Variants in LAD1 observed in about 807,000 individuals in gnomAD.
LAD1 encodes the protein ladinin 1.
In LAD1, 53 loss-of-function variants were observed where a neutral mutation model predicts 54.2. The observed-to-expected ratio is 0.98, with a 90% CI of 0.78 to 1.23. The LOEUF (loss-of-function observed/expected upper bound fraction) is 1.23. Ranked by LOEUF, LAD1 falls within the 50% of genes most tolerant of loss-of-function variation. LAD1 has a pLI of 0.00. For synonymous variants in LAD1, 231 were observed against 257.7 expected, an observed-to-expected ratio of 0.90 and a Z score of 0.99; for missense variants, 637 against 653.3, an observed-to-expected ratio of 0.98 and a Z score of 0.27.
intron 2 of LAD1, among the ~76,000 whole-genome samples, chr1:201,387,721 C>T (rs1662123284): frequency 6.6e-6 from 1 of 152,142 alleles, no homozygotes; most frequent in Non-Finnish European, 1.5e-5. Flanking sequence ...GAGTCTGCTG[C>T]CGGGCAAGGC....
chr1:201,383,430 C>G (rs771671496), intron 5 of LAD1, 41 bp from the exon 6 acceptor site: 3 of 1,588,268 alleles, frequency 1.9e-6, no homozygotes. Flanking sequence ...AAGTGAGACA[C>G]CCAGGGAGAC....
intron 1 of LAD1, among the ~76,000 whole-genome samples, chr1:201,392,724 G>A (rs1662217631): frequency 6.6e-6 from 1 of 152,152 alleles, no homozygotes; most frequent in Non-Finnish European, 1.5e-5. Context: ...GAGAGCCCTG[G>A]AGAGTGTTAC....
intron 1 of LAD1, among the ~76,000 whole-genome samples, chr1:201,397,638 GGA>G (rs558842098): frequency 1.4e-4 from 22 of 151,902 alleles, no homozygotes; most frequent in African/African-American, 1.9e-4. Flanking sequence ...TTCTGAAGAA[GGA>G]GTGTCTGGTT....
At chr1:201,398,118 C>A (rs950786004) in intron 1 of LAD1, among the ~76,000 whole-genome samples, 1 of 152,084 alleles carries the variant, frequency 6.6e-6, no homozygotes, top group Non-Finnish European at 1.5e-5. Context: ...CAGTCCCAGG[C>A]GATGAGCTGC....
intron 1 of LAD1, among the ~76,000 whole-genome samples, chr1:201,396,371 G>T (rs757603007): frequency 6.6e-6 from 1 of 152,062 alleles, no homozygotes; most frequent in African/African-American, 2.4e-5. Context: ...TAATTCTAAA[G>T]GACATTCTGC....
At chr1:201,382,350 G>A in intron 8 of LAD1, 24 bp from the exon 9 acceptor site, 1 of 1,581,858 alleles carries the variant, frequency 6.3e-7, no homozygotes, top group South Asian at 1.1e-5. Context: ...TCAGGGTGGA[G>A]ACCAGAGACT....
intron 1 of LAD1, among the ~76,000 whole-genome samples, chr1:201,390,923 A>G (rs1024807150): frequency 2.0e-5 from 3 of 152,194 alleles, no homozygotes; most frequent in Non-Finnish European, 4.4e-5. Flanking sequence ...TGCCTGAAGG[A>G]AACAGATGAA....
chr1:201,388,373 G>T (rs1041239536), intron 2 of LAD1, among the ~76,000 whole-genome samples: 30 of 143,052 alleles, frequency 2.1e-4, no homozygotes, highest in Non-Finnish European at 3.0e-5. Flanking sequence ...GGGTGACAGA[G>T]CAAGACTCCA....
intron 5 of LAD1, among the ~76,000 whole-genome samples, chr1:201,383,861 T>C (rs1435226606): frequency 6.6e-6 from 1 of 152,238 alleles, no homozygotes; most frequent in Non-Finnish European, 1.5e-5. Context: ...AGTATGCCTG[T>C]GTGCCAGCCA....
Position 201,381,022 on chromosome 1 carries a change from G to A in LAD1, c.*866C>T, listed in dbSNP as rs1305489190. 1.3e-5 allele frequency: 2 copies of A among 152,030 alleles called. No homozygotes were observed. The highest frequency in any genetic ancestry group is 2.9e-5 in the Non-Finnish European group (2 of 68,066). The allele number at this position is 152,030 out of a possible 1,614,324, so 9.4% of individuals were successfully genotyped here. A position where few individuals can be genotyped will look rare whatever the true frequency, so the allele number is the denominator to read the frequency against. On this transcript the variant is annotated 3_prime_UTR_variant, in exon 10 of 10. Coordinates refer to ENST00000391967, the MANE Select transcript of LAD1 (RefSeq NM_005558.4). ...GTTGGAGGGGGCTTGTGGGGAAGGA[G>A]GGTAGGCCTGGCCCTGTATGTGGCA...
chr1:201,382,647 G>A lies in LAD1; in HGVS notation c.1473+6C>T. 1.3e-6 allele frequency: 2 copies of A among 1,590,806 alleles called. No individual in the cohort carries two copies. The highest frequency in any genetic ancestry group is 1.1e-5 in the South Asian group (1 of 87,036). ...CAGTAAGAGACATCAGGGAGGGTGA[G>A]GATACCTGGGGGTCCTGATCTCCAG... is the stretch of plus-strand genomic sequence containing the variant. On this transcript the variant is annotated splice_donor_region_variant and intron_variant, in intron 8 of 9. Coordinates refer to ENST00000391967, the MANE Select transcript of LAD1 (RefSeq NM_005558.4).
At chr1:201,382,798 C>T (rs1661989688) in intron 7 of LAD1, 59 bp from the exon 8 acceptor site, 1 of 1,350,434 alleles carries the variant, frequency 7.4e-7, no homozygotes, top group Admixed American at 2.0e-5. Flanking sequence ...GAGGCATGTT[C>T]AGAGGCCCTG....
At chr1:201,387,926 A>G (rs996909691) in intron 2 of LAD1, among the ~76,000 whole-genome samples, 2 of 152,182 alleles carry the variant, frequency 1.3e-5, no homozygotes, top group Admixed American at 6.5e-5. Flanking sequence ...TTACTGTCGG[A>G]GCCTCAGTTT....
intron 5 of LAD1, 92 bp from the exon 6 acceptor site, chr1:201,383,481 G>A (rs372931228): frequency 1.0e-5 from 12 of 1,173,588 alleles, no homozygotes; most frequent in East Asian, 7.0e-5. Context: ...CCCATCACAC[G>A]TTCTCATTGT....
intron 5 of LAD1, 64 bp downstream of exon 5, chr1:201,384,728 A>G: frequency 2.0e-6 from 3 of 1,523,896 alleles, no homozygotes; most frequent in South Asian, 2.2e-5. Context: ...GGGCGGGTGC[A>G]GGTACTCAGA....
At chr1:201,393,591 C>T (rs1414294336) in intron 1 of LAD1, among the ~76,000 whole-genome samples, 1 of 151,786 alleles carries the variant, frequency 6.6e-6, no homozygotes, top group Non-Finnish European at 1.5e-5. Flanking sequence ...CCTAAAAATA[C>T]AAAAATTAGC....
chr1:201,396,837 G>T (rs1471259753), intron 1 of LAD1, among the ~76,000 whole-genome samples: 1 of 152,176 alleles, frequency 6.6e-6, no homozygotes, highest in Non-Finnish European at 1.5e-5. Context: ...AGGGAGAGGT[G>T]TCTGGAGAAC....
In LAD1 at chr1:201,399,315, A is replaced by G; in HGVS notation, c.-9T>C. On this transcript the variant is annotated 5_prime_UTR_variant, in exon 1 of 10. Coordinates refer to ENST00000391967, the MANE Select transcript of LAD1 (RefSeq NM_005558.4). ...TTCCTGCTGACAGCCATGCTGCAGG[A>G]GCCCCGCGTGGCCGCCCGCGCCCCG... 1 of 1,536,058 alleles carries G rather than the reference A, an allele frequency of 6.5e-7. No homozygotes were observed. Among genetic ancestry groups the G allele is most frequent in the South Asian group, 1.2e-5 (1 of 83,966 alleles).
At chr1:201,396,683 A>G (rs1662296291) in intron 1 of LAD1, among the ~76,000 whole-genome samples, 1 of 152,120 alleles carries the variant, frequency 6.6e-6, no homozygotes, top group African/African-American at 2.4e-5. Context: ...GACTGGGGTT[A>G]GGGAAGGGAG....
Sources: gnomAD v4.1 joint callset for allele counts (sites outside exome capture counted in the v4.1 genomes callset) on GRCh38, gnomAD v4.1.1 for gene constraint, MANE v1.5 for transcripts, NCBI Gene and HGNC (gene_info 2026-07-23, HGNC 2026-07-21) for gene names.